Variants in DEFB106B observed in about 807,000 individuals in gnomAD.
The protein encoded by DEFB106B is defensin beta 106B, also known as beta-defensin 106.
intron 1 of DEFB106B, among the ~76,000 whole-genome samples, chr8:7,484,323 A>C (rs1475021707): frequency 6.8e-6 from 1 of 148,090 alleles, no homozygotes; most frequent in Non-Finnish European, 1.5e-5. Context: ...ACTGTATACT[A>C]GTGTATGTAC....
chr8:7,482,735 C>CA lies in DEFB106B; in HGVS notation c.66dup (p.Asp23Ter), dbSNP rs1447005959. 6 of 1,464,918 alleles carry CA rather than the reference C, an allele frequency of 4.1e-6. No individual in the cohort carries two copies. Among genetic ancestry groups the CA allele is most frequent in the Non-Finnish European group, 5.5e-6 (6 of 1,090,014 alleles). The allele number at this position is 1,464,918 out of a possible 1,614,324, so 90.7% of individuals were successfully genotyped here. On this transcript the variant is annotated frameshift_variant, in exon 2 of 2. Coordinates refer to ENST00000335479, the MANE Select transcript of DEFB106B (RefSeq NM_001040704.2). LOFTEE classifies it high-confidence loss of function. ...CCTTTAAGTTTGTTGCATTTCTCAT[C>CA]AAAAAATGCATTCTTGGCTACACGA...
intron 1 of DEFB106B, among the ~76,000 whole-genome samples, chr8:7,483,896 T>C (rs1216920014): frequency 1.5e-5 from 2 of 131,730 alleles, no homozygotes. Flanking sequence ...TACTATAGTA[T>C]TATACTAGTA....
At chr8:7,484,491 T>C (rs527512523) in intron 1 of DEFB106B, among the ~76,000 whole-genome samples, 2 of 138,934 alleles carry the variant, frequency 1.4e-5, no homozygotes, top group East Asian at 2.2e-4. Flanking sequence ...CTAGTATGTA[T>C]ACTATGCTAT....
At chr8:7,484,110 A>ATTATAC (rs1811384812) in intron 1 of DEFB106B, among the ~76,000 whole-genome samples, 1 of 138,342 alleles carries the variant, frequency 7.2e-6, no homozygotes, top group South Asian at 2.4e-4. Flanking sequence ...ATACTAGAGT[A>ATTATAC]TTATACTAGT....
chr8:7,484,302 A>G (rs1447999559), intron 1 of DEFB106B, among the ~76,000 whole-genome samples: 1 of 146,606 alleles, frequency 6.8e-6, no homozygotes, highest in Non-Finnish European at 1.5e-5. Flanking sequence ...TTATACTAGT[A>G]TATACACTAT....
At chr8:7,484,202 C>T (rs535184951) in intron 1 of DEFB106B, among the ~76,000 whole-genome samples, 2 of 136,892 alleles carry the variant, frequency 1.5e-5, no homozygotes, top group African/African-American at 5.4e-5. Context: ...ATACACTATA[C>T]TATATACTAG....
At chr8:7,483,769 A>G (rs570691923) in intron 1 of DEFB106B, among the ~76,000 whole-genome samples, 2 of 126,914 alleles carry the variant, frequency 1.6e-5, no homozygotes, top group South Asian at 2.4e-4. Context: ...ATACTATACC[A>G]TAGACTATAG....
chr8:7,484,863 C>A, intron 1 of DEFB106B, among the ~76,000 whole-genome samples: 2 of 50,984 alleles, frequency 3.9e-5, no homozygotes, highest in Admixed American at 2.9e-4. Flanking sequence ...CAGAGTGAGA[C>A]TCTATCTCAA....
Position 7,484,287 on chromosome 8 carries a change from G to C in DEFB106B, c.50-1535C>G, listed in dbSNP as rs578159894. Among the ~76,000 whole-genome samples, 5 of 140,310 alleles carry C rather than the reference G, an allele frequency of 3.6e-5. No individual in the cohort carries two copies. In the East Asian group the frequency reaches 1.1e-3, roughly 30 times the overall value. 92.0% of individuals were successfully genotyped at this position (140,310 alleles called of 152,430 possible). A position where few individuals can be genotyped will look rare whatever the true frequency, so the allele number is the denominator to read the frequency against. ...GTATAATACACTATACTATATGCTA[G>C]AGTATTATACTAGTATATACACTAT... On this transcript the variant is annotated intron_variant, in intron 1 of 1. Coordinates refer to ENST00000335479, the MANE Select transcript of DEFB106B (RefSeq NM_001040704.2).
chr8:7,484,907 A>T lies in DEFB106B; in HGVS notation c.49+1427T>A, dbSNP rs1433243751. ...AAAAATATGTATATATATATATATA[A>T]AATATATACTAGTACAATACTATAT... is the stretch of plus-strand genomic sequence containing the variant. On this transcript the variant is annotated intron_variant, in intron 1 of 1. Coordinates refer to ENST00000335479, the MANE Select transcript of DEFB106B (RefSeq NM_001040704.2). Among the ~76,000 whole-genome samples the T allele has an allele frequency of 4.8e-4, 45 of 94,696 alleles. 1 individual carries two copies. Among genetic ancestry groups the T allele is most frequent in the African/African-American group, 1.3e-3 (33 of 24,486 alleles). 62.1% of individuals were successfully genotyped at this position (94,696 alleles called of 152,430 possible).
rs1296553685 is a variant in DEFB106B, at chr8:7,484,994, T to C, written c.49+1340A>G. Among the ~76,000 whole-genome samples, 2 of 73,358 alleles carry C rather than the reference T, an allele frequency of 2.7e-5. 1 individual carries two copies. The highest frequency in any genetic ancestry group is 5.1e-5 in the Non-Finnish European group (2 of 39,094). 48.1% of individuals were successfully genotyped at this position (73,358 alleles called of 152,430 possible). On this transcript the variant is annotated intron_variant, in intron 1 of 1. Coordinates refer to ENST00000335479, the MANE Select transcript of DEFB106B (RefSeq NM_001040704.2). ...CAGTAAATAATTATAGTATATACTA[T>C]GCTATACTATAATACTAAACTAAAC...
intron 1 of DEFB106B, among the ~76,000 whole-genome samples, chr8:7,484,528 T>C (rs1438072635): frequency 7.2e-6 from 1 of 139,748 alleles, no homozygotes; most frequent in Non-Finnish European, 1.5e-5. Context: ...CTAGTATATA[T>C]ACTATATTAC....
At chr8:7,484,260 T>A (rs1389872700) in intron 1 of DEFB106B, among the ~76,000 whole-genome samples, 1 of 131,890 alleles carries the variant, frequency 7.6e-6, no homozygotes, top group African/African-American at 3.0e-5. Flanking sequence ...TGTATTATAC[T>A]AGTATAATAC....
chr8:7,484,423 A>G (rs866235130), intron 1 of DEFB106B, among the ~76,000 whole-genome samples: 34 of 91,586 alleles, frequency 3.7e-4, no homozygotes, highest in African/African-American at 1.1e-3. Context: ...TATACACTAT[A>G]CTATATACTA....
At chr8:7,484,463 A>G (rs542692703) in intron 1 of DEFB106B, among the ~76,000 whole-genome samples, 1 of 141,566 alleles carries the variant, frequency 7.1e-6, no homozygotes, top group African/African-American at 2.7e-5. Flanking sequence ...ATACTATGCT[A>G]TATACTAGAG....
chr8:7,484,472 A>T (rs1394395859), intron 1 of DEFB106B, among the ~76,000 whole-genome samples: 1 of 139,970 alleles, frequency 7.1e-6, no homozygotes, highest in Non-Finnish European at 1.5e-5. Flanking sequence ...TATATACTAG[A>T]GTATTATACT....
At chr8:7,484,474 T>C (rs1490446643) in intron 1 of DEFB106B, among the ~76,000 whole-genome samples, 1 of 139,806 alleles carries the variant, frequency 7.2e-6, no homozygotes. Context: ...TATACTAGAG[T>C]ATTATACTAG....
At chr8:7,484,033 TATA>T (rs2128880390) in intron 1 of DEFB106B, among the ~76,000 whole-genome samples, 1 of 131,280 alleles carries the variant, frequency 7.6e-6, no homozygotes, top group South Asian at 2.5e-4. Flanking sequence ...TGTACTAGTA[TATA>T]ATACTACTAG....
chr8:7,486,027 A>AT (rs1811482290), intron 1 of DEFB106B, among the ~76,000 whole-genome samples: 1 of 129,396 alleles, frequency 7.7e-6, no homozygotes, highest in Non-Finnish European at 1.6e-5. Flanking sequence ...AATCTCTACC[A>AT]TAACTACATT....
Sources: gnomAD v4.1 joint callset for allele counts (sites outside exome capture counted in the v4.1 genomes callset) on GRCh38, gnomAD v4.1.1 for gene constraint, MANE v1.5 for transcripts, NCBI Gene and HGNC (gene_info 2026-07-23, HGNC 2026-07-21) for gene names.